The following PIP5K1C variants were observed in gnomAD, a reference collection of about 807,000 sequenced individuals.
PIP5K1C encodes the protein phosphatidylinositol-4-phosphate 5-kinase type 1 gamma.
In PIP5K1C, 45 loss-of-function variants were observed where a neutral mutation model predicts 80.1. The ratio of observed to expected loss-of-function variants is 0.56; its 90% CI spans 0.44 to 0.72. PIP5K1C has a LOEUF of 0.72. Ranked by LOEUF, PIP5K1C falls within the 30% of genes least tolerant of loss-of-function variation. PIP5K1C has a pLI of 0.00. For synonymous variants in PIP5K1C, 498 were observed against 420.1 expected, an observed-to-expected ratio of 1.19 and a Z score of -2.27; for missense variants, 753 against 954.6, an observed-to-expected ratio of 0.79 and a Z score of 2.78.
At chr19:3,653,998 G>GCA (rs1568327874) in intron 6 of PIP5K1C, among the ~76,000 whole-genome samples, 1 of 152,012 alleles carries the variant, frequency 6.6e-6, no homozygotes, top group African/African-American at 2.4e-5. Flanking sequence ...ACACACACAC[G>GCA]CACACACACA....
At chr19:3,683,253 T>G in intron 1 of PIP5K1C, among the ~76,000 whole-genome samples, 1 of 152,206 alleles carries the variant, frequency 6.6e-6, no homozygotes, top group Admixed American at 6.5e-5. Context: ...AGCACGAGCC[T>G]GGCACGTGGG....
rs574419435 is a variant in PIP5K1C, at chr19:3,647,919, C to A, written c.1212-533G>T. Among the ~76,000 whole-genome samples the A allele has an allele frequency of 3.9e-5, 6 of 152,354 alleles. No individual in the cohort carries two copies. The South Asian group carries it at 1.2e-3, about 32-fold the overall frequency. Reference sequence around the variant, plus strand: ...CCAAGATCGCACCAATGCTCTTCGGCCTGAGTGACAGAGCGAGACTTTGTC... The same window carrying A: ...CCAAGATCGCACCAATGCTCTTCGGACTGAGTGACAGAGCGAGACTTTGTC... On this transcript the variant is annotated intron_variant, in intron 9 of 17. Transcript: ENST00000335312.
In PIP5K1C at chr19:3,692,261, C is replaced by G. The variant is rs1001634132; in HGVS notation, c.94+8036G>C. 6.6e-6 allele frequency among the ~76,000 whole-genome samples: 1 copy of G among 152,166 alleles called. No homozygotes were observed. The highest frequency in any genetic ancestry group is 2.4e-5 in the African/African-American group (1 of 41,422). ...CAACAGCACAATGGAACAGAGACAC[C>G]GTCCACTGAGCACAGCCACCACCAG... On this transcript the variant is annotated intron_variant, in intron 1 of 17. Transcript: ENST00000335312. The surrounding 1 kb of genome is among the most constrained non-coding windows in gnomAD (Gnocchi z 5.2).
intron 2 of PIP5K1C, among the ~76,000 whole-genome samples, chr19:3,666,508 T>G (rs951422612): frequency 6.6e-6 from 1 of 151,866 alleles, no homozygotes; most frequent in African/African-American, 2.4e-5. Context: ...CGTGCAGACG[T>G]GCACACAGGC....
At chr19:3,644,743 C>T (rs1247153298) in intron 11 of PIP5K1C, among the ~76,000 whole-genome samples, 2 of 152,196 alleles carry the variant, frequency 1.3e-5, no homozygotes, top group Non-Finnish European at 2.9e-5. Flanking sequence ...TCTCTGGGCC[C>T]TGGGGGCCGA....
intron 1 of PIP5K1C, among the ~76,000 whole-genome samples, chr19:3,678,462 G>GC (rs2145564389): frequency 7.6e-6 from 1 of 132,122 alleles, no homozygotes; most frequent in Non-Finnish European, 1.7e-5. Context: ...TGGAGGGATG[G>GC]AGGATGGAGG....
chr19:3,641,575 G>A, intron 15 of PIP5K1C, 130 bp downstream of exon 15: 1 of 727,834 alleles, frequency 1.4e-6, no homozygotes, highest in Non-Finnish European at 2.4e-6. Flanking sequence ...TAAACTTATG[G>A]GAAAATCCAC....
Position 3,652,024 on chromosome 19 carries a change from T to C in PIP5K1C, c.929A>G (p.Glu310Gly). 6.2e-7 allele frequency: 1 copy of C among 1,613,146 alleles called. No homozygotes were observed. Among genetic ancestry groups the C allele is most frequent in the Non-Finnish European group, 8.5e-7 (1 of 1,179,962 alleles). ...GCTGTAGTCCATGATCTTGAAACTT[T>C]CCAGGACCTGGCGGGATCGGGCAGG... ...KTLQRDCLVLESFKIMDYSLL... is the reference protein window; with the variant it reads ...KTLQRDCLVLGSFKIMDYSLL... The change falls in exon 8 of 18, where the codon GAA (glutamate) becomes GGA (glycine). Residue 310 changes from glutamate to glycine, a missense_variant. By Grantham distance (98) the Glu-to-Gly change is moderately conservative (BLOSUM62 -2). This residue lies in a region of PIP5K1C where 105 missense variants were observed against 133.4 expected (regional missense o/e 0.79). Transcript: ENST00000335312.
In PIP5K1C at chr19:3,696,382, G is replaced by A. The variant is rs1213453202; in HGVS notation, c.94+3915C>T. On this transcript the variant is annotated intron_variant, in intron 1 of 17. Transcript: ENST00000335312. This position sits in a 1 kb window ranked among gnomAD's most constrained non-coding sequence, Gnocchi z 4.1. ...CCCTCGTGGAGCTCTCGCTCAGGAG[G>A]AGATGGTCAGAAAACACGTCAGCAG... Among the ~76,000 whole-genome samples, 1 of 152,238 alleles carries A rather than the reference G, an allele frequency of 6.6e-6. No homozygotes were observed. Among genetic ancestry groups the A allele is most frequent in the Non-Finnish European group, 1.5e-5 (1 of 68,044 alleles).
chr19:3,697,301 T>TGGAGGAGGACTGGGCCGGAC (rs2036151171), intron 1 of PIP5K1C, among the ~76,000 whole-genome samples: 1 of 100,090 alleles, frequency 1.0e-5, no homozygotes, highest in Admixed American at 1.1e-4. Context: ...CCGAGCCGGA[T>TGGAGGAGGACTGGGCCGGAC]GGAGGAGGAC....
intron 16 of PIP5K1C, among the ~76,000 whole-genome samples, chr19:3,634,664 G>A (rs1243014004): frequency 2.0e-5 from 3 of 152,368 alleles, no homozygotes; most frequent in East Asian, 1.9e-4. Context: ...CAGTTGCCCA[G>A]CCTGGGCCAG....
At chr19:3,669,883 T>C (rs1022483518) in intron 1 of PIP5K1C, 2 of 152,086 alleles carry the variant, frequency 1.3e-5, no homozygotes, top group African/African-American at 4.8e-5. Context: ...GCCCATAGCT[T>C]TGCTCTGCTG....
chr19:3,658,250 G>C (rs1445903868), intron 5 of PIP5K1C, among the ~76,000 whole-genome samples: 1 of 152,208 alleles, frequency 6.6e-6, no homozygotes, highest in Non-Finnish European at 1.5e-5. Flanking sequence ...TGCCAACCTT[G>C]GCAGCTCAGA....
intron 5 of PIP5K1C, among the ~76,000 whole-genome samples, chr19:3,658,897 C>T (rs774635964): frequency 6.6e-6 from 1 of 152,192 alleles, no homozygotes; most frequent in South Asian, 2.1e-4. Context: ...CAGGCAGTGC[C>T]AGGACAACCC....
In PIP5K1C at chr19:3,632,912, TAAG is replaced by T; in HGVS notation, c.*252_*254del. The T allele has an allele frequency of 1.9e-6, 1 of 517,746 alleles. No individual in the cohort carries two copies. The highest frequency in any genetic ancestry group is 3.4e-6 in the Non-Finnish European group (1 of 293,800). The allele number at this position is 517,746 out of a possible 1,614,324, so 32.1% of individuals were successfully genotyped here. ...CACGTGCTTCCGTCTCTGTGCCAAA[TAAG>T]GACTCAAATGCGATTGGCCGCTCGG... On this transcript the variant is annotated 3_prime_UTR_variant, in exon 18 of 18. Coordinates refer to ENST00000335312, the MANE Select transcript of PIP5K1C (RefSeq NM_012398.3).
chr19:3,658,945 G>C (rs1031702819), intron 5 of PIP5K1C, among the ~76,000 whole-genome samples: 1 of 152,156 alleles, frequency 6.6e-6, no homozygotes, highest in African/African-American at 2.4e-5. Context: ...GCTCTCGGCA[G>C]CTGCGCCGCT....
chr19:3,687,156 G>A (rs528790445), intron 1 of PIP5K1C, among the ~76,000 whole-genome samples: 1 of 152,324 alleles, frequency 6.6e-6, no homozygotes, highest in South Asian at 2.1e-4. Flanking sequence ...TCATGCCACT[G>A]CACTCCAGCC....
intron 1 of PIP5K1C, among the ~76,000 whole-genome samples, chr19:3,693,781 G>A (rs1052541187): frequency 2.6e-4 from 40 of 152,204 alleles, no homozygotes; most frequent in Non-Finnish European, 1.5e-5. Flanking sequence ...AGGGAAAGAA[G>A]GGGCCACCAT....
intron 1 of PIP5K1C, among the ~76,000 whole-genome samples, chr19:3,695,754 C>A (rs535701709): frequency 7.1e-6 from 1 of 141,574 alleles, no homozygotes; most frequent in Non-Finnish European, 1.5e-5. Flanking sequence ...TTTTGAGATA[C>A]GATTCTGCTG....
Sources: allele counts gnomAD v4.1 joint callset (sites outside exome capture counted in the v4.1 genomes callset), GRCh38; gene constraint gnomAD v4.1.1; regional missense constraint gnomAD v4.1.1; non-coding constraint Gnocchi (gnomAD v3.1); transcripts MANE v1.5; gene names NCBI Gene and HGNC (gene_info 2026-07-23, HGNC 2026-07-21).